Variants in THADA observed in about 807,000 individuals in gnomAD.
THADA encodes tRNA (32-2'-O)-methyltransferase regulator THADA.
A neutral mutation model predicts 219.8 loss-of-function variants in THADA; 213 were observed. That is an observed-to-expected ratio of 0.97 (90% CI 0.87 to 1.09). The LOEUF (loss-of-function observed/expected upper bound fraction) is 1.09. THADA is among the 50% of genes least tolerant of loss of function. The pLI is 0.00. For synonymous variants in THADA, 1,018 were observed against 828.9 expected, an observed-to-expected ratio of 1.23 and a Z score of -3.92; for missense variants, 2,956 against 2,311.3, an observed-to-expected ratio of 1.28 and a Z score of -5.72.
chr2:43,410,868 A>AC (rs1676206562), intron 28 of THADA, among the ~76,000 whole-genome samples: 1 of 152,128 alleles, frequency 6.6e-6, no homozygotes, highest in Non-Finnish European at 1.5e-5. Context: ...CATCAATTGT[A>AC]CCCCAATAAA....
chr2:43,246,961 A>C lies in THADA; in HGVS notation c.5297-14079T>G, dbSNP rs1429423737. On this transcript the variant is annotated intron_variant, in intron 36 of 37. Coordinates refer to ENST00000405975, the MANE Select transcript of THADA (RefSeq NM_022065.5). ...TTCAGGAACATGCCAAGGAAGGGAG[A>C]ACAATTCAGAGTTTAGAGGGCAGCA... Among the ~76,000 whole-genome samples the C allele has an allele frequency of 2.0e-5, 3 of 152,254 alleles. No homozygotes were observed. The South Asian group carries it at 6.2e-4, about 32-fold the overall frequency.
rs538496324 is a variant in THADA at position 43,281,241 on chromosome 2, C to G, written c.5165-1345G>C. Among the ~76,000 whole-genome samples the G allele has an allele frequency of 1.6e-4, 24 of 152,268 alleles. No individual in the cohort carries two copies. The South Asian group carries it at 4.8e-3, about 30-fold the overall frequency. On this transcript the variant is annotated intron_variant, in intron 35 of 37. Transcript: ENST00000405975. The stretch of plus-strand genomic sequence containing the variant: ...TCGTTCTCTTCTTTTCATTACAGAT[C>G]TGATTTAAATTTTACTCAGCCTTTC...
At chr2:43,383,573 C>T (rs903611650) in intron 29 of THADA, among the ~76,000 whole-genome samples, 2 of 152,186 alleles carry the variant, frequency 1.3e-5, no homozygotes, top group African/African-American at 4.8e-5. Flanking sequence ...TCCTGAAAAA[C>T]GTTCATCTGA....
intron 10 of THADA, 78 bp downstream of exon 10, chr2:43,576,944 C>T: frequency 7.7e-7 from 1 of 1,306,722 alleles, no homozygotes; most frequent in Non-Finnish European, 1.1e-6. Flanking sequence ...GAGGCACAAG[C>T]CACTCCAGCT....
intron 28 of THADA, among the ~76,000 whole-genome samples, chr2:43,424,991 G>A (rs1678227437): frequency 6.6e-6 from 1 of 152,170 alleles, no homozygotes; most frequent in South Asian, 2.1e-4. Flanking sequence ...AGCAGCTGTG[G>A]ATATAGGCTC....
intron 30 of THADA, among the ~76,000 whole-genome samples, chr2:43,330,875 T>G (rs1679881881): frequency 6.6e-6 from 1 of 152,166 alleles, no homozygotes; most frequent in Non-Finnish European, 1.5e-5. Context: ...AAAAACAAAC[T>G]TGCTATTTAC....
chr2:43,389,966 T>C (rs1673154696), intron 29 of THADA, among the ~76,000 whole-genome samples: 1 of 152,250 alleles, frequency 6.6e-6, no homozygotes, highest in South Asian at 2.1e-4. Context: ...GAGAATATGC[T>C]ATAAATTTTC....
chr2:43,297,776 G>A (rs1164936765), intron 31 of THADA, among the ~76,000 whole-genome samples: 1 of 126,956 alleles, frequency 7.9e-6, no homozygotes, highest in Non-Finnish European at 1.7e-5. Context: ...GGGAGGTGGG[G>A]GGGTCGGCCC....
At chr2:43,266,581 CGA>C (rs1671545525) in intron 36 of THADA, among the ~76,000 whole-genome samples, 1 of 152,018 alleles carries the variant, frequency 6.6e-6, no homozygotes, top group Non-Finnish European at 1.5e-5. Context: ...CCAGCCTGGG[CGA>C]CAAAGTGAGA....
chr2:43,320,625 A>G (rs1678594771), intron 30 of THADA, 85 bp from the exon 31 acceptor site: 1 of 864,592 alleles, frequency 1.2e-6, no homozygotes, highest in Non-Finnish European at 1.8e-6. Context: ...GGTATTTTCT[A>G]TGGTATATGA....
At chr2:43,408,916 T>G (rs1040897791) in intron 28 of THADA, among the ~76,000 whole-genome samples, 1 of 152,230 alleles carries the variant, frequency 6.6e-6, no homozygotes. Context: ...TTCTCTAGTT[T>G]GAGCCTCTGT....
intron 22 of THADA, among the ~76,000 whole-genome samples, chr2:43,514,608 ATTT>A (rs1690975269): frequency 1.1e-5 from 1 of 94,312 alleles, no homozygotes; most frequent in Non-Finnish European, 1.9e-5. Flanking sequence ...TTTTATATAT[ATTT>A]TATATATTTT....
At chr2:43,568,556 G>C (rs955382725) in intron 14 of THADA, among the ~76,000 whole-genome samples, 2 of 152,190 alleles carry the variant, frequency 1.3e-5, no homozygotes, top group East Asian at 1.9e-4. Context: ...CACAGACCAA[G>C]AAACCATGCA....
At chr2:43,479,262 T>A (rs190772287) in intron 26 of THADA, among the ~76,000 whole-genome samples, 7 of 152,340 alleles carry the variant, frequency 4.6e-5, no homozygotes, top group South Asian at 2.1e-4. Flanking sequence ...ACTGATTTTT[T>A]AAAATGTTTT....
rs371578806 is a variant in THADA, at chr2:43,288,735, G to A, written c.5011-1674C>T. Among the ~76,000 whole-genome samples the A allele has an allele frequency of 4.6e-5, 7 of 152,078 alleles. No homozygotes were observed. In the East Asian group the frequency reaches 9.6e-4, roughly 21 times the overall value. On this transcript the variant is annotated intron_variant, in intron 34 of 37. Coordinates refer to ENST00000405975, the MANE Select transcript of THADA (RefSeq NM_022065.5). Reference sequence around the variant, plus strand: ...AACAGCATGATTGATTTAAATCATTGGACATCGGTGATCAACTCAACCTTC... The same window carrying A: ...AACAGCATGATTGATTTAAATCATTAGACATCGGTGATCAACTCAACCTTC...
At chr2:43,581,609 G>A (rs963923258) in intron 8 of THADA, 132 bp downstream of exon 8, 15 of 622,560 alleles carry the variant, frequency 2.4e-5, no homozygotes, top group Non-Finnish European at 3.8e-5. Flanking sequence ...CTCCATTTTT[G>A]AGAGGCTGAG....
At chr2:43,297,447 T>TG (rs1287659356) in intron 31 of THADA, among the ~76,000 whole-genome samples, 6,353 of 59,346 alleles carry the variant, frequency 0.11, 388 homozygotes, top group African/African-American at 0.22. Context: ...GGGAGGGAGG[T>TG]GGGGGGGGGT....
chr2:43,404,492 C>A (rs1392476167), intron 28 of THADA, among the ~76,000 whole-genome samples: 1 of 151,750 alleles, frequency 6.6e-6, no homozygotes, highest in South Asian at 2.1e-4. Flanking sequence ...CATGCCTGGC[C>A]TCTGCTAAGG....
intron 15 of THADA, among the ~76,000 whole-genome samples, chr2:43,561,224 G>A (rs991476617): frequency 6.6e-6 from 1 of 152,136 alleles, no homozygotes; most frequent in African/African-American, 2.4e-5. Context: ...AACATGTAGT[G>A]CTAAAAGATA....
Sources: allele counts gnomAD v4.1 joint callset (sites outside exome capture counted in the v4.1 genomes callset), GRCh38; gene constraint gnomAD v4.1.1; transcripts MANE v1.5; gene names NCBI Gene and HGNC (gene_info 2026-07-23, HGNC 2026-07-21).